RRN3: variants seen among roughly 807,000 people sequenced by gnomAD.
RRN3 encodes the protein RNA polymerase I transcription factor RRN3.
Under a neutral mutation model 82.3 loss-of-function variants are expected in RRN3, and 38 were observed. The observed-to-expected ratio is 0.46, with a 90% CI of 0.36 to 0.61. The LOEUF is 0.61. RRN3 is among the 20% of genes least tolerant of loss of function. The probability of loss-of-function intolerance (pLI) is 0.00; values close to 1 mark genes in which losing one functional copy is unlikely to be tolerated. For missense variants in RRN3, 726 were observed against 793.1 expected (o/e 0.92, Z 1.02); for synonymous variants, 284 against 284.3 (o/e 1.00, Z 0.01).
chr16:15,082,473 G>C (rs1402379650), intron 8 of RRN3, among the ~76,000 whole-genome samples: 1 of 152,014 alleles, frequency 6.6e-6, no homozygotes, highest in Non-Finnish European at 1.5e-5. Flanking sequence ...AGGAGTTCAA[G>C]ACCAGTCTGG....
chr16:15,077,985 A>C (rs1258759208), intron 9 of RRN3, among the ~76,000 whole-genome samples: 3 of 152,260 alleles, frequency 2.0e-5, no homozygotes, highest in Non-Finnish European at 4.4e-5. Context: ...AACTGAGCAG[A>C]AAAATGATGA....
At chr16:15,085,912 CAGG>C (rs1226925325) in intron 5 of RRN3, among the ~76,000 whole-genome samples, 2 of 151,978 alleles carry the variant, frequency 1.3e-5, no homozygotes, top group African/African-American at 4.8e-5. Context: ...TAGATTTCAC[CAGG>C]AGTTCAATAA....
chr16:15,079,877 G>A lies in RRN3; in HGVS notation c.765+121C>T, dbSNP rs149547769. 1.9e-5 allele frequency: 23 copies of A among 1,190,578 alleles called. No homozygotes were observed. In the Admixed American group the frequency reaches 2.3e-4, roughly 12 times the overall value. The allele number at this position is 1,190,578 out of a possible 1,614,324, so 73.8% of individuals were successfully genotyped here. A position where few individuals can be genotyped will look rare whatever the true frequency, so the allele number is the denominator to read the frequency against. On this transcript the variant is annotated intron_variant, in intron 9 of 17. Transcript: ENST00000198767. The stretch of plus-strand genomic sequence containing the variant: ...CTCCCAAAGTGCTGGGAATACAGGC[G>A]TGAGTCACCACGCCTGGCCAAGTGG...
chr16:15,081,879 C>T (rs1271343203), intron 8 of RRN3, among the ~76,000 whole-genome samples: 1 of 152,110 alleles, frequency 6.6e-6, no homozygotes, highest in Non-Finnish European at 1.5e-5. Context: ...ATGTTCATAT[C>T]CACTTCTGCC....
At chr16:15,082,928 C>G (rs2045764517) in intron 8 of RRN3, among the ~76,000 whole-genome samples, 1 of 152,162 alleles carries the variant, frequency 6.6e-6, no homozygotes, top group Non-Finnish European at 1.5e-5. Context: ...TCTAGTAATT[C>G]TTGTCCATAT....
intron 12 of RRN3, among the ~76,000 whole-genome samples, chr16:15,072,019 G>T (rs994634285): frequency 1.3e-5 from 2 of 152,166 alleles, no homozygotes; most frequent in Non-Finnish European, 2.9e-5. Flanking sequence ...CTAACGCACA[G>T]CTGGTATTTG....
At chr16:15,074,538 TC>T in intron 11 of RRN3, 184 bp downstream of exon 11, 1 of 467,716 alleles carries the variant, frequency 2.1e-6, no homozygotes, top group African/African-American at 2.0e-5. Context: ...TCAGCCAGAA[TC>T]CCAGTCCCAT....
intron 1 of RRN3, among the ~76,000 whole-genome samples, chr16:15,093,177 G>C (rs2046207710): frequency 6.6e-6 from 1 of 152,078 alleles, no homozygotes; most frequent in South Asian, 2.1e-4. Flanking sequence ...GCTGATTTTT[G>C]TATTTTCAGT....
intron 2 of RRN3, among the ~76,000 whole-genome samples, chr16:15,092,048 G>C (rs1337835579): frequency 6.6e-6 from 1 of 152,146 alleles, no homozygotes; most frequent in Non-Finnish European, 1.5e-5. Context: ...GTGTGGTGGT[G>C]TGTGCCTGTA....
chr16:15,077,790 G>A (rs1366069306), intron 9 of RRN3, among the ~76,000 whole-genome samples: 6 of 152,180 alleles, frequency 3.9e-5, no homozygotes, highest in Non-Finnish European at 7.4e-5. Context: ...GCAGTGAGCC[G>A]AGATCGCACC....
intron 10 of RRN3, among the ~76,000 whole-genome samples, chr16:15,076,047 C>G (rs898727144): frequency 6.6e-6 from 1 of 152,136 alleles, no homozygotes; most frequent in African/African-American, 2.4e-5. Flanking sequence ...CCCCAGAATG[C>G]CTGGTGGGAG....
chr16:15,090,077 G>T (rs1192080840), intron 3 of RRN3, among the ~76,000 whole-genome samples: 1 of 151,932 alleles, frequency 6.6e-6, no homozygotes, highest in East Asian at 1.9e-4. Context: ...AGGCATGGTG[G>T]CGGGTGCCTG....
chr16:15,067,288 A>G (rs2045020565), intron 15 of RRN3, among the ~76,000 whole-genome samples: 1 of 149,974 alleles, frequency 6.7e-6, no homozygotes. Context: ...CGCTTTCTCC[A>G]TAAAGCAGAA....
At position 15,074,876 on chromosome 16, in the gene RRN3, A is replaced by G. The variant is rs1567201367; in HGVS notation, c.859-15T>C. 6.3e-7 allele frequency: 1 copy of G among 1,598,586 alleles called. No individual in the cohort carries two copies. The highest frequency in any genetic ancestry group is 1.1e-5 in the South Asian group (1 of 88,720). ...TCATCTTCATCCTTTGAAGACAAAA[A>G]GTAAATACTAACATTAAAAAATTCA... On this transcript the variant is annotated splice_polypyrimidine_tract_variant and intron_variant, in intron 10 of 17. Coordinates refer to ENST00000198767, the MANE Select transcript of RRN3 (RefSeq NM_018427.5).
chr16:15,072,819 A>T, intron 12 of RRN3, 131 bp downstream of exon 12: 1 of 897,520 alleles, frequency 1.1e-6, no homozygotes, highest in Non-Finnish European at 1.7e-6. Flanking sequence ...CGATTTTATT[A>T]AGCAGACTAG....
chr16:15,092,158 G>A lies in RRN3; in HGVS notation c.195+351C>T, dbSNP rs538760704. ...CACGCCACTGCACTCCAGCCTGGGTGACAGAGGAAGACTCCAGCACAAATA... is the reference window on the plus strand; with the variant it reads ...CACGCCACTGCACTCCAGCCTGGGTAACAGAGGAAGACTCCAGCACAAATA... On this transcript the variant is annotated intron_variant, in intron 2 of 17. Coordinates refer to ENST00000198767, the MANE Select transcript of RRN3 (RefSeq NM_018427.5). 8.7e-4 allele frequency among the ~76,000 whole-genome samples: 133 copies of A among 152,258 alleles called. 1 individual carries two copies. The highest frequency in any genetic ancestry group is 3.1e-3 in the African/African-American group (129 of 41,540).
rs891987384 is a variant in RRN3, at chr16:15,065,449, C to T, written c.1554-78G>A. On this transcript the variant is annotated intron_variant, in intron 15 of 17. Transcript: ENST00000198767. Reference sequence around the variant, plus strand: ...CGGTGCAGATGTGAGCTGCGTGTGACAACTGTACCTACCACAGAGAAATTG... The same window carrying T: ...CGGTGCAGATGTGAGCTGCGTGTGATAACTGTACCTACCACAGAGAAATTG... 7 of 1,242,308 alleles carry T rather than the reference C, an allele frequency of 5.6e-6. No homozygotes were observed. The African/African-American group carries it at 9.0e-5, about 16-fold the overall frequency. 77.0% of individuals were successfully genotyped at this position (1,242,308 alleles called of 1,614,324 possible). A position where few individuals can be genotyped will look rare whatever the true frequency, so the allele number is the denominator to read the frequency against.
Position 15,077,331 on chromosome 16 carries a change from G to C in RRN3, c.766-681C>G, listed in dbSNP as rs148475141. On this transcript the variant is annotated intron_variant, in intron 9 of 17. Transcript: ENST00000198767. ...CCTGTAAGTCACACATGTTGCTGGG[G>C]GGGGACTGGTGGGAGATAATTTGAA... 4.5e-3 allele frequency among the ~76,000 whole-genome samples: 688 copies of C among 152,214 alleles called. 6 individuals carry two copies. The highest frequency in any genetic ancestry group is 0.015 in the African/African-American group (631 of 41,542).
chr16:15,087,483 A>G (rs1371230071), intron 3 of RRN3, among the ~76,000 whole-genome samples: 1 of 152,184 alleles, frequency 6.6e-6, no homozygotes, highest in Non-Finnish European at 1.5e-5. Context: ...GCCTCCCTAT[A>G]TGCGGAGAAG....
Sources: allele counts gnomAD v4.1 joint callset (sites outside exome capture counted in the v4.1 genomes callset), GRCh38; gene constraint gnomAD v4.1.1; transcripts MANE v1.5; gene names NCBI Gene and HGNC (gene_info 2026-07-23, HGNC 2026-07-21).